COL12A1: variants seen among roughly 807,000 people sequenced by gnomAD.
The protein encoded by COL12A1 is collagen type XII alpha 1 chain, also known as collagen alpha-1(XII) chain.
COL12A1 carries 114 observed loss-of-function variants against 349.7 expected under a neutral mutation model. That is an observed-to-expected ratio of 0.33 (90% CI 0.28 to 0.38). The LOEUF (loss-of-function observed/expected upper bound fraction) is 0.38. Ranked by LOEUF, COL12A1 falls within the 10% of genes least tolerant of loss-of-function variation. The pLI is 1.00. For synonymous variants in COL12A1, 1,369 were observed against 1,329.0 expected (o/e 1.03, Z -0.66); for missense variants, 3,284 against 3,756.9 (o/e 0.87, Z 3.29).
In COL12A1 at chr6:75,105,164, A is replaced by T. The variant is rs202008708; in HGVS notation, c.8265+42T>A. On this transcript the variant is annotated intron_variant, in intron 54 of 65. Transcript: ENST00000322507. ...TGGCAAATAGATAATCACTCTAAAG[A>T]TTTCAAAGGAAAAACCAGAGGATCT... 150 of 1,526,130 alleles carry T rather than the reference A, an allele frequency of 9.8e-5. 1 individual carries two copies. The East Asian group carries it at 2.9e-3, about 29-fold the overall frequency. The allele number at this position is 1,526,130 out of a possible 1,614,324, so 94.5% of individuals were successfully genotyped here.
chr6:75,145,397 T>C lies in COL12A1; in HGVS notation c.4619A>G (p.Glu1540Gly). ...GACAGCCTGGACTGTGACTGCATAC[T>C]CCGTGTTGGGAACAAGGTCAGTCAG... is the stretch of plus-strand genomic sequence containing the variant. Reference protein sequence around the residue: ...MQLTDLVPNTEYAVTVQAVLH... With the variant: ...MQLTDLVPNTGYAVTVQAVLH... Residue 1540 changes from glutamate to glycine, a missense_variant, in exon 25 of 66, where the codon GAG becomes GGG. Transcript: ENST00000322507. 6.2e-7 allele frequency: 1 copy of C among 1,614,030 alleles called. No individual in the cohort carries two copies. Among genetic ancestry groups the C allele is most frequent in the Non-Finnish European group, 8.5e-7 (1 of 1,179,926 alleles).
Position 75,189,830 on chromosome 6 carries a change from A to G in COL12A1, c.395-15T>C. The G allele has an allele frequency of 6.2e-7, 1 of 1,607,422 alleles. No individual in the cohort carries two copies. Among genetic ancestry groups the G allele is most frequent in the Non-Finnish European group, 8.5e-7 (1 of 1,175,922 alleles). ...GACAGAGCATTCTGAAATACATTTGATATCTTTTTAAATGATGCTTTATTA... is the reference window on the plus strand; with the variant it reads ...GACAGAGCATTCTGAAATACATTTGGTATCTTTTTAAATGATGCTTTATTA... On this transcript the variant is annotated splice_polypyrimidine_tract_variant and intron_variant, in intron 5 of 65. Coordinates refer to ENST00000322507, the MANE Select transcript of COL12A1 (RefSeq NM_004370.6).
At chr6:75,108,194 C>T (rs1302433127) in intron 52 of COL12A1, among the ~76,000 whole-genome samples, 2 of 152,022 alleles carry the variant, frequency 1.3e-5, no homozygotes, top group African/African-American at 4.8e-5. Flanking sequence ...GTCTTCCCAC[C>T]TCAGCCTCCC....
intron 43 of COL12A1, among the ~76,000 whole-genome samples, chr6:75,122,891 T>C (rs897713807): frequency 6.6e-6 from 1 of 152,246 alleles, no homozygotes; most frequent in African/African-American, 2.4e-5. Context: ...TTTTGGTGAA[T>C]GGAAAATTTT....
Position 75,113,654 on chromosome 6 carries a change from A to G in COL12A1, c.7788T>C (p.Ile2596=), listed in dbSNP as rs750907037. 3 of 1,609,192 alleles carry G rather than the reference A, an allele frequency of 1.9e-6. No homozygotes were observed. The highest frequency in any genetic ancestry group is 2.5e-6 in the Non-Finnish European group (3 of 1,176,742). ...TGTAGTCTCTGTCTGTGATTTGCCA[A>G]ATTGCAAAAGGGTCACTGGGAGTTT... ...LPETPSDPFA[I]WQITDRDYKP... Residue 2596 remains isoleucine (I), a synonymous_variant, in exon 50 of 66, where the codon ATT becomes ATC. Transcript: ENST00000322507.
rs754761310 is a variant in COL12A1 at position 75,087,719 on chromosome 6, T to G, written c.9039A>C (p.Pro3013=). The change falls in exon 65 of 66, where the codon CCA becomes CCC. Residue 3013 remains proline (P), a synonymous_variant. Coordinates refer to ENST00000322507, the MANE Select transcript of COL12A1 (RefSeq NM_004370.6). ...GACCTCTTGAACCTGTGGACCCTGGTGGACCTGTTCTGGATTCTCCTTGTG... is the reference window on the plus strand; with the variant it reads ...GACCTCTTGAACCTGTGGACCCTGGGGGACCTGTTCTGGATTCTCCTTGTG... ...PGPQGESRTG[P]PGSTGSRGPP... 1 of 1,607,796 alleles carries G rather than the reference T, an allele frequency of 6.2e-7. No homozygotes were observed. Among genetic ancestry groups the G allele is most frequent in the Non-Finnish European group, 8.5e-7 (1 of 1,178,244 alleles).
rs1055080261 is a variant in COL12A1, at chr6:75,121,323, T to G, written c.7065A>C (p.Glu2355Asp). The change falls in exon 44 of 66, where the codon GAA (glutamate) becomes GAC (aspartate). Residue 2355 changes from glutamate (E) to aspartate (D), a missense_variant. By Grantham distance (45) the Glu-to-Asp change is conservative. Transcript: ENST00000322507. The stretch of plus-strand genomic sequence containing the variant: ...TAACCTGAATCCCAGCAGGACTGAT[T>G]TCATCAAAGCCTCCCACAGTATTGA... ...FIFNTVGGFD[E>D]ISPAGIQVSF... is the part of the protein sequence containing the mutation. 5.6e-6 allele frequency: 9 copies of G among 1,608,538 alleles called. 1 individual carries two copies. The highest frequency in any genetic ancestry group is 7.7e-6 in the Non-Finnish European group (9 of 1,176,252).
intron 60 of COL12A1, among the ~76,000 whole-genome samples, chr6:75,094,360 CAAA>C (rs3216650): frequency 6.6e-6 from 1 of 151,012 alleles, no homozygotes; most frequent in Non-Finnish European, 1.5e-5. Flanking sequence ...GCTATTTGGA[CAAA>C]AAAAATTGCT....
chr6:75,174,660 G>C lies in COL12A1; in HGVS notation c.2710+378C>G, dbSNP rs139518375. On this transcript the variant is annotated intron_variant, in intron 13 of 65. Coordinates refer to ENST00000322507, the MANE Select transcript of COL12A1 (RefSeq NM_004370.6). ...CAGAAAATGGCTCTTATCTGGATCTGAAAGATAGAACTAGCTGCATAAACT... is the reference window on the plus strand; with the variant it reads ...CAGAAAATGGCTCTTATCTGGATCTCAAAGATAGAACTAGCTGCATAAACT... Among the ~76,000 whole-genome samples, 5 of 152,346 alleles carry C rather than the reference G, an allele frequency of 3.3e-5. No individual in the cohort carries two copies. The East Asian group carries it at 9.6e-4, about 29-fold the overall frequency.
At chr6:75,194,721 C>T in intron 3 of COL12A1, 110 bp downstream of exon 3, 1 of 632,448 alleles carries the variant, frequency 1.6e-6, no homozygotes, top group Non-Finnish European at 2.6e-6. Flanking sequence ...GGATCAAATC[C>T]CTCAGGCTTC....
At chr6:75,203,420 G>A (rs1307613273) in intron 1 of COL12A1, among the ~76,000 whole-genome samples, 2 of 152,054 alleles carry the variant, frequency 1.3e-5, no homozygotes, top group African/African-American at 4.8e-5. Flanking sequence ...TTTCACATCT[G>A]ATAAATCCTT....
chr6:75,184,295 C>T, intron 8 of COL12A1, 151 bp from the exon 9 acceptor site: 4 of 838,240 alleles, frequency 4.8e-6, no homozygotes, highest in Non-Finnish European at 7.2e-6. Context: ...TCCCCAATTT[C>T]ACATGTCCCT....
intron 3 of COL12A1, among the ~76,000 whole-genome samples, chr6:75,194,057 T>C (rs1236409157): frequency 1.3e-5 from 2 of 152,174 alleles, no homozygotes; most frequent in East Asian, 3.8e-4. Flanking sequence ...TGTGTCTTTA[T>C]AGCAGCATGA....
In COL12A1 at chr6:75,117,108, C is replaced by T. The variant is rs6909123; in HGVS notation, c.7519+274G>A. ...CAATTTGAGGCTGAGATTAATTTAA[C>T]CAAATGTCATAGGCATTGGGGTGGT... On this transcript the variant is annotated intron_variant, in intron 47 of 65. Coordinates refer to ENST00000322507, the MANE Select transcript of COL12A1 (RefSeq NM_004370.6). Among the ~76,000 whole-genome samples, 6,276 of 152,186 alleles carry T rather than the reference C, an allele frequency of 0.041. 436 individuals are homozygous for T. Among genetic ancestry groups the T allele is most frequent in the African/African-American group, 0.14 (5,877 of 41,500 alleles).
At chr6:75,197,299 T>C (rs1308325402) in intron 2 of COL12A1, among the ~76,000 whole-genome samples, 1 of 26,958 alleles carries the variant, frequency 3.7e-5, no homozygotes, top group Admixed American at 5.5e-4. Context: ...ATGCTGGAAA[T>C]TTTCTTTTCT....
chr6:75,179,515 T>C (rs1249325357), intron 11 of COL12A1, among the ~76,000 whole-genome samples: 2 of 151,132 alleles, frequency 1.3e-5, no homozygotes, highest in East Asian at 3.9e-4. Flanking sequence ...TGTGATGGAC[T>C]TCAGGAAGAA....
chr6:75,125,344 A>T, intron 39 of COL12A1, 71 bp from the exon 40 acceptor site: 15 of 1,424,902 alleles, frequency 1.1e-5, no homozygotes, highest in Non-Finnish European at 1.3e-5. Context: ...AAAATTAAAG[A>T]TCTTATAGTC....
rs1210901089 is a variant in COL12A1 at position 75,161,142 on chromosome 6, T to C, written c.2983+4365A>G. On this transcript the variant is annotated intron_variant, in intron 14 of 65. Coordinates refer to ENST00000322507, the MANE Select transcript of COL12A1 (RefSeq NM_004370.6). Reference sequence around the variant, plus strand: ...CGCACCAGCTCACCTAACATGCACATCTTTGAGATGTGGGAGGTAACTAGA... The same window carrying C: ...CGCACCAGCTCACCTAACATGCACACCTTTGAGATGTGGGAGGTAACTAGA... Among the ~76,000 whole-genome samples the C allele has an allele frequency of 3.3e-5, 5 of 151,970 alleles. No homozygotes were observed. In the East Asian group the frequency reaches 9.7e-4, roughly 29 times the overall value.
At chr6:75,160,747 C>T (rs1461909393) in intron 14 of COL12A1, among the ~76,000 whole-genome samples, 1 of 152,052 alleles carries the variant, frequency 6.6e-6, no homozygotes. Context: ...TACAGTAAGC[C>T]CTCACCTAAC....
Sources: allele counts gnomAD v4.1 joint callset (sites outside exome capture counted in the v4.1 genomes callset), GRCh38; gene constraint gnomAD v4.1.1; transcripts MANE v1.5; gene names NCBI Gene and HGNC (gene_info 2026-07-23, HGNC 2026-07-21).